EPS8: variants seen among roughly 807,000 people sequenced by gnomAD.
The protein encoded by EPS8 is epidermal growth factor receptor kinase substrate 8.
In EPS8, 42 loss-of-function variants were observed where a neutral mutation model predicts 103.8. That is an observed-to-expected ratio of 0.40 (90% CI 0.32 to 0.52). EPS8 has a LOEUF of 0.52. EPS8 is among the 20% of genes least tolerant of loss of function. The pLI, the probability that EPS8 is intolerant of heterozygous loss-of-function variation, is 0.40. For missense variants in EPS8, 969 were observed against 1,005.1 expected (o/e 0.96, Z 0.49); for synonymous variants, 344 against 344.6 (o/e 1.00, Z 0.02).
intron 17 of EPS8, among the ~76,000 whole-genome samples, chr12:15,635,634 T>G (rs1239544915): frequency 1.3e-5 from 2 of 152,190 alleles, no homozygotes; most frequent in Non-Finnish European, 2.9e-5. Flanking sequence ...ATTTCCACTT[T>G]TATTTTAGGG....
chr12:15,664,267 A>C (rs1416171186), intron 8 of EPS8, among the ~76,000 whole-genome samples: 1 of 151,420 alleles, frequency 6.6e-6, no homozygotes, highest in Non-Finnish European at 1.5e-5. Context: ...ATTAAACTAC[A>C]TATCTCTGTT....
rs1946932922 is a variant in EPS8 at position 15,751,651 on chromosome 12, CA to C, written c.-22+37509del. On this transcript the variant is annotated intron_variant, in intron 1 of 20. Coordinates refer to ENST00000281172, the MANE Select transcript of EPS8 (RefSeq NM_004447.6). This position sits in a 1 kb window ranked among gnomAD's most constrained non-coding sequence, Gnocchi z 4.3. ...AAGGGGGCAAGATTTTTTGCCTTTA[CA>C]AAGGTCACAACCTAGTGAATGAAAG... 6.6e-6 allele frequency among the ~76,000 whole-genome samples: 1 copy of C among 152,044 alleles called. No individual in the cohort carries two copies. Among genetic ancestry groups the C allele is most frequent in the Admixed American group, 6.5e-5 (1 of 15,268 alleles).
At chr12:15,661,043 G>C (rs1945596869) in intron 9 of EPS8, among the ~76,000 whole-genome samples, 1 of 152,106 alleles carries the variant, frequency 6.6e-6, no homozygotes, top group South Asian at 2.1e-4. Flanking sequence ...ACAGTTAGGA[G>C]GAAAATTCTA....
At position 15,752,615 on chromosome 12, in the gene EPS8, G is replaced by T. The variant is rs1946944959; in HGVS notation, c.-22+36546C>A. Among the ~76,000 whole-genome samples the T allele has an allele frequency of 2.0e-5, 3 of 151,822 alleles. No homozygotes were observed. Among genetic ancestry groups the T allele is most frequent in the African/African-American group, 7.2e-5 (3 of 41,384 alleles). On this transcript the variant is annotated intron_variant, in intron 1 of 20. Coordinates refer to ENST00000281172, the MANE Select transcript of EPS8 (RefSeq NM_004447.6). The surrounding 1 kb of genome is among the most constrained non-coding windows in gnomAD (Gnocchi z 4.4). ...TATATTGAGCCCCCAAATTATCTGAGAAAAAAAAGTCTTTATAATTGTAAT... is the reference window on the plus strand; with the variant it reads ...TATATTGAGCCCCCAAATTATCTGATAAAAAAAAGTCTTTATAATTGTAAT...
In EPS8 at chr12:15,658,124, A is replaced by G; in HGVS notation, c.1056T>C (p.Pro352=). ...LAKLKSHIQN[P]SAADLVHFLF... ...AAAAGTGAACCAAATCTGCAGCACT[A>G]GGATTCTGAATATGAGACTTCAGTT... Residue 352 remains proline (P), a synonymous_variant, in exon 12 of 21, where the codon CCT becomes CCC. Transcript: ENST00000281172. The G allele has an allele frequency of 1.2e-6, 2 of 1,611,124 alleles. No individual in the cohort carries two copies. The highest frequency in any genetic ancestry group is 4.5e-5 in the East Asian group (2 of 44,808).
At chr12:15,663,932 A>ATAATAAT (rs1457573053) in intron 8 of EPS8, among the ~76,000 whole-genome samples, 1 of 4,630 alleles carries the variant, frequency 2.2e-4, no homozygotes, top group Non-Finnish European at 1.8e-3. Context: ...AAAAAAAAAA[A>ATAATAAT]AAAAAAAAAA....
chr12:15,635,806 T>C (rs537115213), intron 17 of EPS8, among the ~76,000 whole-genome samples: 2 of 152,172 alleles, frequency 1.3e-5, no homozygotes, highest in East Asian at 3.9e-4. Context: ...AATACCTAGA[T>C]TGGGGCTTTT....
chr12:15,676,145 C>A (rs532731697), intron 3 of EPS8, among the ~76,000 whole-genome samples: 5 of 150,798 alleles, frequency 3.3e-5, no homozygotes, highest in Non-Finnish European at 5.9e-5. Context: ...TGGTGGCGGG[C>A]GCCTGTAGTC....
At chr12:15,788,316 C>T (rs190116240) in intron 1 of EPS8, among the ~76,000 whole-genome samples, 1 of 152,308 alleles carries the variant, frequency 6.6e-6, no homozygotes, top group Admixed American at 6.5e-5. Context: ...AATTCCTAAT[C>T]CTTCACCGCT....
At chr12:15,630,187 C>A (rs1050196261) in intron 18 of EPS8, among the ~76,000 whole-genome samples, 4 of 119,950 alleles carry the variant, frequency 3.3e-5, no homozygotes, top group African/African-American at 1.1e-4. Flanking sequence ...CTCTCTGTCT[C>A]TCTATCTCTC....
chr12:15,637,949 T>G (rs1048690425), intron 17 of EPS8, among the ~76,000 whole-genome samples: 1 of 152,330 alleles, frequency 6.6e-6, no homozygotes, highest in South Asian at 2.1e-4. Context: ...GTACTCAATA[T>G]GTATTTGTGG....
rs58408455 is a variant in EPS8, at chr12:15,738,743, G to GT, written c.-22+50417dup. On this transcript the variant is annotated intron_variant, in intron 1 of 20. Coordinates refer to ENST00000281172, the MANE Select transcript of EPS8 (RefSeq NM_004447.6). The surrounding 1 kb of genome is among the most constrained non-coding windows in gnomAD (Gnocchi z 6.2). ...CTACAAAAGGACACAGGCCAACTTG[G>GT]TTTTTTTTTTGTAATACCAGCAGCT... is the stretch of plus-strand genomic sequence containing the variant. Among the ~76,000 whole-genome samples, 1,401 of 148,516 alleles carry GT rather than the reference G, an allele frequency of 9.4e-3. 10 individuals are homozygous for GT. The highest frequency in any genetic ancestry group is 0.015 in the Non-Finnish European group (997 of 66,674).
chr12:15,674,119 G>A (rs186048007), intron 3 of EPS8, among the ~76,000 whole-genome samples: 72 of 152,260 alleles, frequency 4.7e-4, no homozygotes, highest in Admixed American at 1.4e-3. Flanking sequence ...TGAACTACAA[G>A]TATAAAAAGC....
At position 15,693,018 on chromosome 12, in the gene EPS8, TA is replaced by T. The variant is rs1390914924; in HGVS notation, c.-21-10047del. Among the ~76,000 whole-genome samples, 4 of 152,188 alleles carry T rather than the reference TA, an allele frequency of 2.6e-5. No homozygotes were observed. Among genetic ancestry groups the T allele is most frequent in the African/African-American group, 9.7e-5 (4 of 41,446 alleles). ...GTTTGTTTTGGCTTCTGAATTGCTT[TA>T]AATATCAGGTGATTACTGGTTATTA... is the stretch of plus-strand genomic sequence containing the variant. On this transcript the variant is annotated intron_variant, in intron 1 of 20. Transcript: ENST00000281172. The surrounding 1 kb of genome is among the most constrained non-coding windows in gnomAD (Gnocchi z 5.6).
At chr12:15,644,707 A>T (rs1237605760) in intron 15 of EPS8, among the ~76,000 whole-genome samples, 1 of 152,216 alleles carries the variant, frequency 6.6e-6, no homozygotes, top group South Asian at 2.1e-4. Flanking sequence ...CAAAAAAAAA[A>T]AAAAAAACTG....
chr12:15,676,461 G>T lies in EPS8; in HGVS notation c.136+4765C>A, dbSNP rs577499229. Among the ~76,000 whole-genome samples the T allele has an allele frequency of 2.0e-5, 3 of 152,142 alleles. No individual in the cohort carries two copies. In the South Asian group the frequency reaches 6.2e-4, roughly 32 times the overall value. ...AGCCCTAAATATTCAAAAAGGAGATGAATCTGAATGATTTGGTGTAAAGGT... is the reference window on the plus strand; with the variant it reads ...AGCCCTAAATATTCAAAAAGGAGATTAATCTGAATGATTTGGTGTAAAGGT... On this transcript the variant is annotated intron_variant, in intron 3 of 20. Transcript: ENST00000281172.
intron 18 of EPS8, among the ~76,000 whole-genome samples, chr12:15,628,705 A>C (rs1260366406): frequency 1.3e-5 from 2 of 152,230 alleles, no homozygotes; most frequent in Non-Finnish European, 2.9e-5. Context: ...AAAAACAGGC[A>C]TGTTGGCTTT....
chr12:15,741,505 C>T (rs1279885989), intron 1 of EPS8, among the ~76,000 whole-genome samples: 1 of 152,170 alleles, frequency 6.6e-6, no homozygotes, highest in Non-Finnish European at 1.5e-5. Context: ...AGCTGGAACC[C>T]CCACATTTCA....
At chr12:15,730,908 G>A (rs1193288226) in intron 1 of EPS8, among the ~76,000 whole-genome samples, 2 of 151,764 alleles carry the variant, frequency 1.3e-5, no homozygotes, top group African/African-American at 2.4e-5. Flanking sequence ...GATACAAATG[G>A]CATGCCCTCC....
Sources: allele counts gnomAD v4.1 joint callset (sites outside exome capture counted in the v4.1 genomes callset), GRCh38; gene constraint gnomAD v4.1.1; non-coding constraint Gnocchi (gnomAD v3.1); transcripts MANE v1.5; gene names NCBI Gene and HGNC (gene_info 2026-07-23, HGNC 2026-07-21).